CEP128: variants seen among roughly 807,000 people sequenced by gnomAD.
CEP128 encodes the protein centrosomal protein 128kDa.
CEP128 carries 132 observed loss-of-function variants against 156.7 expected under a neutral mutation model. The ratio of observed to expected loss-of-function variants is 0.84; its 90% CI spans 0.73 to 0.97. The LOEUF is 0.97. Ranked by LOEUF, CEP128 falls within the 50% of genes least tolerant of loss-of-function variation. CEP128 has a pLI of 0.00. For missense variants in CEP128, 1,252 were observed against 1,281.9 expected (o/e 0.98, Z 0.36); for synonymous variants, 469 against 448.9 (o/e 1.04, Z -0.57).
At chr14:80,724,998 C>CATATATATATATACATATATGATATAT (rs1229614947) in intron 19 of CEP128, among the ~76,000 whole-genome samples, 1 of 143,804 alleles carries the variant, frequency 7.0e-6, no homozygotes, top group Non-Finnish European at 1.5e-5. Context: ...ATACATATAT[C>CATATATATATATACATATATGATATAT]ATATATATAT....
intron 19 of CEP128, among the ~76,000 whole-genome samples, chr14:80,741,475 T>C (rs1898827734): frequency 6.6e-6 from 1 of 152,104 alleles, no homozygotes. Flanking sequence ...TACAGGAATT[T>C]CCAAATTCCA....
rs147250367 is a variant in CEP128, at chr14:80,537,765, C to T, written c.2881-6879G>A. 5.2e-3 allele frequency among the ~76,000 whole-genome samples: 789 copies of T among 152,220 alleles called. 6 individuals are homozygous for T. The highest frequency in any genetic ancestry group is 0.018 in the African/African-American group (755 of 41,524). The stretch of plus-strand genomic sequence containing the variant: ...AAGATACTGTGTTTAGCAATTTTTG[C>T]TATGGTGACAGGTAAAGAAACTATG... On this transcript the variant is annotated intron_variant, in intron 21 of 24. Coordinates refer to ENST00000555265, the MANE Select transcript of CEP128 (RefSeq NM_152446.5).
chr14:80,488,130 A>C (rs1196202279), downstream of CEP128, among the ~76,000 whole-genome samples: 4 of 132,624 alleles, frequency 3.0e-5, no homozygotes, highest in Non-Finnish European at 6.6e-5. Context: ...GATCGCTAGC[A>C]AGGCTAATAA....
intron 11 of CEP128, among the ~76,000 whole-genome samples, chr14:80,837,514 G>A (rs748355549): frequency 2.0e-5 from 3 of 152,146 alleles, no homozygotes; most frequent in Non-Finnish European, 4.4e-5. Flanking sequence ...TCAGGAGATC[G>A]AGAACATCCT....
At chr14:80,700,326 T>C (rs547741613) in intron 19 of CEP128, among the ~76,000 whole-genome samples, 6 of 152,224 alleles carry the variant, frequency 3.9e-5, no homozygotes, top group Non-Finnish European at 7.4e-5. Flanking sequence ...TGGACTAAGC[T>C]GATGATTAGC....
intron 13 of CEP128, among the ~76,000 whole-genome samples, chr14:80,824,010 C>G (rs1885337332): frequency 6.6e-6 from 1 of 152,256 alleles, no homozygotes; most frequent in Non-Finnish European, 1.5e-5. Context: ...CCTCTGAAAT[C>G]TAGGTGGAGG....
chr14:80,588,924 A>G (rs905438191), intron 19 of CEP128, among the ~76,000 whole-genome samples: 1 of 152,120 alleles, frequency 6.6e-6, no homozygotes, highest in Non-Finnish European at 1.5e-5. Context: ...TTCAAAACAC[A>G]TTGAGTGTTA....
intron 4 of CEP128, among the ~76,000 whole-genome samples, chr14:80,908,466 ACT>A (rs923296702): frequency 6.6e-6 from 1 of 151,028 alleles, no homozygotes; most frequent in African/African-American, 2.5e-5. Flanking sequence ...GCTGTTGTTC[ACT>A]CTATTCATTC....
Position 80,793,829 on chromosome 14 carries a change from T to C in CEP128, c.1210-719A>G, listed in dbSNP as rs376766758. ...ATTTGGAAATTACACTAAATCATCA[T>C]GATTAATACATATTTTAAGAATAAG... On this transcript the variant is annotated intron_variant, in intron 13 of 24. Coordinates refer to ENST00000555265, the MANE Select transcript of CEP128 (RefSeq NM_152446.5). Among the ~76,000 whole-genome samples the C allele has an allele frequency of 3.3e-5, 5 of 152,326 alleles. No individual in the cohort carries two copies. The East Asian group carries it at 5.8e-4, about 18-fold the overall frequency.
chr14:80,660,161 A>G (rs1270221023), intron 19 of CEP128, among the ~76,000 whole-genome samples: 1 of 152,120 alleles, frequency 6.6e-6, no homozygotes, highest in East Asian at 1.9e-4. Flanking sequence ...TTCTTTACCC[A>G]TATACTCTAA....
chr14:80,480,300 T>C (rs1887026546), intron 14 of CEP128, among the ~76,000 whole-genome samples: 1 of 152,148 alleles, frequency 6.6e-6, no homozygotes, highest in African/African-American at 2.4e-5. Flanking sequence ...CATCCAGGTG[T>C]TTCCATACAT....
chr14:80,519,472 G>A (rs1437959929), intron 23 of CEP128, among the ~76,000 whole-genome samples: 2 of 152,178 alleles, frequency 1.3e-5, no homozygotes. Context: ...TTCCCCTGGA[G>A]AGAAGGAACA....
Position 80,497,486 on chromosome 14 carries a change from C to T in CEP128, c.3278G>A (p.Gly1093Glu), listed in dbSNP as rs146979082. The T allele has an allele frequency of 3.6e-5, 58 of 1,604,146 alleles. No individual in the cohort carries two copies. In the African/African-American group the frequency reaches 6.4e-4, roughly 18 times the overall value. Residue 1093 changes from glycine (G) to glutamate (E), a missense_variant, in exon 25 of 25, where the codon GGG becomes GAG. Coordinates refer to ENST00000555265, the MANE Select transcript of CEP128 (RefSeq NM_152446.5). ...CAAATTACATTTGCTTTTTTAGCTC[C>T]CATATTCCTCTTTTTTGGGTTGTGA... ...TSSQPKKEEY[G>E]S
chr14:80,811,818 T>TAGATAGA (rs1555350871), intron 13 of CEP128, among the ~76,000 whole-genome samples: 1 of 149,516 alleles, frequency 6.7e-6, no homozygotes, highest in Admixed American at 6.7e-5. Context: ...CACGCATGTA[T>TAGATAGA]TAGATAGATA....
intron 21 of CEP128, among the ~76,000 whole-genome samples, chr14:80,558,340 G>C (rs1328981000): frequency 6.6e-6 from 1 of 151,866 alleles, no homozygotes; most frequent in East Asian, 1.9e-4. Flanking sequence ...TTGCACTGGA[G>C]TGCAGTGGCA....
intron 16 of CEP128, among the ~76,000 whole-genome samples, chr14:80,773,588 A>AT (rs900033598): frequency 3.9e-5 from 6 of 152,078 alleles, no homozygotes; most frequent in African/African-American, 1.4e-4. Flanking sequence ...TTGCAAACGA[A>AT]TTTTTTTAAT....
chr14:80,604,569 A>G (rs1192978079), intron 19 of CEP128, among the ~76,000 whole-genome samples: 4 of 152,126 alleles, frequency 2.6e-5, no homozygotes, highest in African/African-American at 9.7e-5. Context: ...TAGACAATAT[A>G]TAACATTATT....
intron 15 of CEP128, 26 bp from the exon 16 acceptor site, chr14:80,778,072 G>GA: frequency 1.9e-6 from 3 of 1,605,780 alleles, no homozygotes; most frequent in Non-Finnish European, 2.5e-6. Context: ...GGAAAAAACA[G>GA]AAAGTCCACT....
At chr14:80,616,713 T>G (rs969156644) in intron 19 of CEP128, among the ~76,000 whole-genome samples, 1 of 152,218 alleles carries the variant, frequency 6.6e-6, no homozygotes, top group Non-Finnish European at 1.5e-5. Context: ...CAGAAAGTAC[T>G]ATACGGAGTC....
Sources: gnomAD v4.1 joint callset for allele counts (sites outside exome capture counted in the v4.1 genomes callset) on GRCh38, gnomAD v4.1.1 for gene constraint, MANE v1.5 for transcripts, NCBI Gene and HGNC (gene_info 2026-07-23, HGNC 2026-07-21) for gene names.